IMPACT: variants seen among roughly 807,000 people sequenced by gnomAD.
IMPACT encodes impact RWD domain protein.
A neutral mutation model predicts 47.5 loss-of-function variants in IMPACT; 35 were observed. The ratio of observed to expected loss-of-function variants is 0.74; its 90% CI spans 0.56 to 0.98. The LOEUF (loss-of-function observed/expected upper bound fraction) is 0.98, where lower values mean the gene tolerates loss of function less well. Ranked by LOEUF, IMPACT falls within the 50% of genes least tolerant of loss-of-function variation. IMPACT has a pLI of 0.00. For synonymous variants in IMPACT, 118 were observed against 125.6 expected, an observed-to-expected ratio of 0.94 and a Z score of 0.40; for missense variants, 373 against 394.8, an observed-to-expected ratio of 0.94 and a Z score of 0.47.
At chr18:24,447,811 G>A (rs978712606) in intron 8 of IMPACT, among the ~76,000 whole-genome samples, 4 of 152,146 alleles carry the variant, frequency 2.6e-5, no homozygotes, top group East Asian at 3.9e-4. Flanking sequence ...AATGAAGTAA[G>A]GGGAATGTCA....
chr18:24,442,150 CTTT>C (rs397965432), intron 6 of IMPACT, among the ~76,000 whole-genome samples: 8 of 116,444 alleles, frequency 6.9e-5, no homozygotes, highest in Non-Finnish European at 9.0e-5. Flanking sequence ...ATTAGTGATT[CTTT>C]TTTTTTTTTT....
At chr18:24,430,276 A>G (rs1212752562) in intron 3 of IMPACT, 46 bp from the exon 4 acceptor site, 1 of 1,352,116 alleles carries the variant, frequency 7.4e-7, no homozygotes. Context: ...TTGAGGTATA[A>G]ACATAATCCT....
At position 24,428,058 on chromosome 18, in the gene IMPACT, C is replaced by T. The variant is rs771348350; in HGVS notation, c.165+11C>T. ...ACACTTTGCTTGCAGGTACTTTTTCCCCCTTCCTTGCAGCCATCTTTCAGT... is the reference window on the plus strand; with the variant it reads ...ACACTTTGCTTGCAGGTACTTTTTCTCCCTTCCTTGCAGCCATCTTTCAGT... On this transcript the variant is annotated intron_variant, in intron 2 of 10. Transcript: ENST00000284202. The T allele has an allele frequency of 3.8e-6, 6 of 1,564,766 alleles. No individual in the cohort carries two copies. The highest frequency in any genetic ancestry group is 2.3e-5 in the East Asian group (1 of 43,156).
At position 24,447,980 on chromosome 18, in the gene IMPACT, A is replaced by G. The variant is rs1599768120; in HGVS notation, c.669-113A>G. On this transcript the variant is annotated intron_variant, in intron 8 of 10. Coordinates refer to ENST00000284202, the MANE Select transcript of IMPACT (RefSeq NM_018439.4). ...TAATACATATTTCAGGAAGGATTTAAAAAAATGAATATGCTGATTTTGGAA... is the reference window on the plus strand; with the variant it reads ...TAATACATATTTCAGGAAGGATTTAGAAAAATGAATATGCTGATTTTGGAA... 6.4e-6 allele frequency: 4 copies of G among 621,518 alleles called. No homozygotes were observed. The East Asian group carries it at 1.1e-4, about 17-fold the overall frequency. The allele number at this position is 621,518 out of a possible 1,614,324, so 38.5% of individuals were successfully genotyped here.
intron 2 of IMPACT, 58 bp downstream of exon 2, chr18:24,428,105 G>A: frequency 7.1e-7 from 1 of 1,413,290 alleles, no homozygotes; most frequent in East Asian, 2.5e-5. Flanking sequence ...CTATATTGTT[G>A]ACTTCTGTAT....
At chr18:24,430,649 A>T (rs1175551113) in intron 4 of IMPACT, among the ~76,000 whole-genome samples, 2 of 152,212 alleles carry the variant, frequency 1.3e-5, no homozygotes, top group Non-Finnish European at 2.9e-5. Context: ...TTGTAATCCC[A>T]GCTATTCAGG....
intron 5 of IMPACT, chr18:24,439,488 T>C (rs1345012919): frequency 6.6e-6 from 1 of 152,084 alleles, no homozygotes; most frequent in African/African-American, 2.4e-5. Flanking sequence ...ATACAAAAAA[T>C]TAGCCGGGCG....
chr18:24,437,096 GTGGGTGCTGA>G (rs2144338438), intron 4 of IMPACT, among the ~76,000 whole-genome samples: 1 of 152,260 alleles, frequency 6.6e-6, no homozygotes, highest in East Asian at 1.9e-4. Context: ...GAAAGTTTTG[GTGGGTGCTGA>G]TGAGTAGTGA....
chr18:24,434,884 GTATATATA>G (rs1332250610), intron 4 of IMPACT, among the ~76,000 whole-genome samples: 1,016 of 82,492 alleles, frequency 0.012, 13 homozygotes, highest in African/African-American at 0.048. Flanking sequence ...ATATATATGT[GTATATATA>G]TGTGTATATA....
Position 24,430,399 on chromosome 18 carries a change from A to AT in IMPACT, c.281+21dup, listed in dbSNP as rs772481016. 11 of 1,565,836 alleles carry AT rather than the reference A, an allele frequency of 7.0e-6. No individual in the cohort carries two copies. The South Asian group carries it at 8.2e-5, about 12-fold the overall frequency. Reference sequence around the variant, plus strand: ...GAAATATATATGTAAGTGACAGGCGATTTTTTAAAATAATTCTGTTAGTGA... The same window carrying AT: ...GAAATATATATGTAAGTGACAGGCGATTTTTTTAAAATAATTCTGTTAGTGA... On this transcript the variant is annotated intron_variant, in intron 4 of 10. Transcript: ENST00000284202.
intron 5 of IMPACT, among the ~76,000 whole-genome samples, chr18:24,438,872 A>G (rs1909017312): frequency 6.6e-6 from 1 of 152,156 alleles, no homozygotes; most frequent in African/African-American, 2.4e-5. Flanking sequence ...CTCCAGAGAA[A>G]CAGAACCAAT....
intron 7 of IMPACT, among the ~76,000 whole-genome samples, chr18:24,444,595 G>C (rs1334125707): frequency 6.6e-6 from 1 of 152,144 alleles, no homozygotes; most frequent in Non-Finnish European, 1.5e-5. Flanking sequence ...TATGGCCCTA[G>C]CTTATCATTC....
intron 5 of IMPACT, among the ~76,000 whole-genome samples, chr18:24,440,067 G>T (rs981963379): frequency 6.6e-6 from 1 of 151,878 alleles, no homozygotes; most frequent in African/African-American, 2.4e-5. Flanking sequence ...TTAGTAATTG[G>T]AATTCTATTA....
At chr18:24,433,566 G>A (rs1216584631) in intron 4 of IMPACT, among the ~76,000 whole-genome samples, 1 of 150,692 alleles carries the variant, frequency 6.6e-6, no homozygotes, top group African/African-American at 2.4e-5. Flanking sequence ...CTGTGCTCAA[G>A]CCTCAAGTGA....
At chr18:24,426,991 G>T (rs1228894258) in intron 1 of IMPACT, 199 bp downstream of exon 1, 5 of 401,048 alleles carry the variant, frequency 1.2e-5, no homozygotes, top group Non-Finnish European at 2.2e-5. Flanking sequence ...GCTCCTCGGC[G>T]GCCGCGGTCT....
chr18:24,431,119 A>G (rs1176949866), intron 4 of IMPACT, among the ~76,000 whole-genome samples: 1 of 152,194 alleles, frequency 6.6e-6, no homozygotes, highest in Non-Finnish European at 1.5e-5. Context: ...ATTACTTATA[A>G]TATTGTAAAA....
At chr18:24,433,800 A>T (rs927584365) in intron 4 of IMPACT, among the ~76,000 whole-genome samples, 2 of 150,470 alleles carry the variant, frequency 1.3e-5, no homozygotes, top group African/African-American at 4.9e-5. Context: ...CCTCCTGAGT[A>T]GCTGGGATTA....
chr18:24,444,820 T>C (rs1046893536), intron 7 of IMPACT, among the ~76,000 whole-genome samples: 13 of 152,268 alleles, frequency 8.5e-5, no homozygotes, highest in Non-Finnish European at 4.4e-5. Flanking sequence ...GGATGTCCTG[T>C]ACTTTTATTT....
At chr18:24,438,205 G>T (rs1444899712) in intron 5 of IMPACT, among the ~76,000 whole-genome samples, 165 bp downstream of exon 5, 1 of 151,188 alleles carries the variant, frequency 6.6e-6, no homozygotes, top group Non-Finnish European at 1.5e-5. Flanking sequence ...TGTAATTATA[G>T]TTATTTATTT....
Sources: allele counts gnomAD v4.1 joint callset (sites outside exome capture counted in the v4.1 genomes callset), GRCh38; gene constraint gnomAD v4.1.1; transcripts MANE v1.5; gene names NCBI Gene and HGNC (gene_info 2026-07-23, HGNC 2026-07-21).